The following TMOD3 variants were observed in gnomAD, a reference collection of about 807,000 sequenced individuals.
TMOD3 encodes tropomodulin-3.
Under a neutral mutation model 39.2 loss-of-function variants are expected in TMOD3, and 20 were observed. The ratio of observed to expected loss-of-function variants is 0.51; its 90% CI spans 0.36 to 0.74. The LOEUF (loss-of-function observed/expected upper bound fraction) is 0.74, where lower values mean the gene tolerates loss of function less well. Ranked by LOEUF, TMOD3 falls within the 30% of genes least tolerant of loss-of-function variation. TMOD3 has a pLI of 0.00. For missense variants in TMOD3, 381 were observed against 412.8 expected, an observed-to-expected ratio of 0.92 and a Z score of 0.67; for synonymous variants, 143 against 145.8, an observed-to-expected ratio of 0.98 and a Z score of 0.14.
intron 9 of TMOD3, among the ~76,000 whole-genome samples, chr15:51,904,485 C>G (rs1247373205): frequency 1.3e-5 from 2 of 152,200 alleles, no homozygotes; most frequent in African/African-American, 4.8e-5. Context: ...TAGCCATAAA[C>G]TAAGCCAGAA....
At chr15:51,870,100 G>A (rs1462730443) in intron 3 of TMOD3, among the ~76,000 whole-genome samples, 1 of 151,968 alleles carries the variant, frequency 6.6e-6, no homozygotes, top group Non-Finnish European at 1.5e-5. Flanking sequence ...CAGCACGTCT[G>A]GCTAATTTTT....
At chr15:51,890,938 C>G (rs992106033) in intron 5 of TMOD3, among the ~76,000 whole-genome samples, 3 of 152,060 alleles carry the variant, frequency 2.0e-5, no homozygotes, top group East Asian at 1.9e-4. Context: ...AACCCTTCTA[C>G]TTTTTTTTCT....
Position 51,893,955 on chromosome 15 carries a change from C to A in TMOD3, c.627+10C>A. 1 of 1,575,992 alleles carries A rather than the reference C, an allele frequency of 6.3e-7. No individual in the cohort carries two copies. The highest frequency in any genetic ancestry group is 1.2e-5 in the South Asian group (1 of 85,040). On this transcript the variant is annotated intron_variant, in intron 6 of 9. Transcript: ENST00000308580. Reference sequence around the variant, plus strand: ...TTTGAATAATATAAAGGTAAGTGTGCTAATCAGAGTGGTTTTGTATTGCTT... The same window carrying A: ...TTTGAATAATATAAAGGTAAGTGTGATAATCAGAGTGGTTTTGTATTGCTT...
At chr15:51,895,216 CTTT>C (rs974778013) in intron 6 of TMOD3, among the ~76,000 whole-genome samples, 6 of 138,104 alleles carry the variant, frequency 4.3e-5, no homozygotes, top group Non-Finnish European at 3.2e-5. Context: ...TGATTACTAA[CTTT>C]TTTTTTTTTT....
At chr15:51,850,869 G>T (rs902119461) in intron 1 of TMOD3, among the ~76,000 whole-genome samples, 2 of 152,094 alleles carry the variant, frequency 1.3e-5, no homozygotes, top group Non-Finnish European at 2.9e-5. Flanking sequence ...CCTCAGCTGG[G>T]ATTATAGGCA....
chr15:51,901,562 TAA>T (rs2056650216), intron 8 of TMOD3: 1 of 225,204 alleles, frequency 4.4e-6, no homozygotes, highest in African/African-American at 2.4e-5. Context: ...TACTGAACTT[TAA>T]AAAGTTTAGT....
At chr15:51,898,963 C>G (rs569274992) in intron 7 of TMOD3, 1 of 152,278 alleles carries the variant, frequency 6.6e-6, no homozygotes, top group Non-Finnish European at 1.5e-5. Flanking sequence ...ATGTCTAACA[C>G]TGTACTGTAT....
At chr15:51,881,376 C>T (rs1392313195) in intron 3 of TMOD3, among the ~76,000 whole-genome samples, 1 of 151,986 alleles carries the variant, frequency 6.6e-6, no homozygotes, top group African/African-American at 2.4e-5. Flanking sequence ...AAATGTTTCT[C>T]CTATTCAGCA....
intron 1 of TMOD3, chr15:51,860,389 A>G: frequency 1.8e-6 from 1 of 544,696 alleles, no homozygotes; most frequent in East Asian, 5.0e-5. Context: ...GCTTTTTGAA[A>G]TTCTTGCTTT....
chr15:51,857,260 G>C (rs1271114442), intron 1 of TMOD3, among the ~76,000 whole-genome samples: 1 of 152,234 alleles, frequency 6.6e-6, no homozygotes, highest in East Asian at 1.9e-4. Flanking sequence ...AAATCTGGTA[G>C]AGTGGCTACT....
At chr15:51,877,472 G>T (rs974523326) in intron 3 of TMOD3, among the ~76,000 whole-genome samples, 1 of 152,112 alleles carries the variant, frequency 6.6e-6, no homozygotes, top group African/African-American at 2.4e-5. Context: ...GAGGTCAGCA[G>T]TTCGATACCA....
At position 51,909,605 on chromosome 15, in the gene TMOD3, C is replaced by T. The variant is rs974019328; in HGVS notation, c.*795C>T. On this transcript the variant is annotated 3_prime_UTR_variant, in exon 10 of 10. Transcript: ENST00000308580. ...TTTCACCACCTCCCTCCCCACCCCC[C>T]AAAAAAGGCGTACAGCCAACTCTTA... 1 of 152,208 alleles carries T rather than the reference C, an allele frequency of 6.6e-6. No homozygotes were observed. Among genetic ancestry groups the T allele is most frequent in the African/African-American group, 2.4e-5 (1 of 41,354 alleles). 9.4% of individuals were successfully genotyped at this position (152,208 alleles called of 1,614,324 possible).
In TMOD3 at chr15:51,900,244, G is replaced by T. The variant is rs1258019546; in HGVS notation, c.825G>T (p.Leu275=). 1.9e-6 allele frequency: 3 copies of T among 1,614,174 alleles called. No homozygotes were observed. Among genetic ancestry groups the T allele is most frequent in the Non-Finnish European group, 2.5e-6 (3 of 1,180,040 alleles). The part of the protein sequence containing the change: ...NFITGVGILA[L]IDALRDNETL... ...TCACGGGAGTTGGGATTCTGGCACTGATTGATGCGTTAAGAGATAATGAAA... is the reference window on the plus strand; with the variant it reads ...TCACGGGAGTTGGGATTCTGGCACTTATTGATGCGTTAAGAGATAATGAAA... Residue 275 remains leucine (L), a synonymous_variant, in exon 8 of 10, where the codon CTG becomes CTT. Coordinates refer to ENST00000308580, the MANE Select transcript of TMOD3 (RefSeq NM_014547.5).
intron 9 of TMOD3, among the ~76,000 whole-genome samples, chr15:51,903,650 A>C (rs2056663986): frequency 6.6e-6 from 1 of 152,164 alleles, no homozygotes; most frequent in Non-Finnish European, 1.5e-5. Flanking sequence ...TAGTTTGCAA[A>C]GTCATGCTAA....
At chr15:51,848,604 G>A (rs2056346916) in intron 1 of TMOD3, among the ~76,000 whole-genome samples, 1 of 152,190 alleles carries the variant, frequency 6.6e-6, no homozygotes, top group African/African-American at 2.4e-5. Context: ...GTAAATTGAA[G>A]CAGATACTTG....
intron 3 of TMOD3, among the ~76,000 whole-genome samples, chr15:51,887,248 GT>G (rs35778880): frequency 0.41 from 56,000 of 137,534 alleles, 11,491 homozygotes; most frequent in Non-Finnish European, 0.47. Context: ...ATTGGATTCT[GT>G]TTTTTTTTTT....
rs982723702 is a variant in TMOD3 at position 51,900,256 on chromosome 15, A to G, written c.837A>G (p.Leu279=). The part of the protein sequence containing the change: ...GVGILALIDA[L]RDNETLAELK... ...GGATTCTGGCACTGATTGATGCGTT[A>G]AGAGATAATGAAACCCTGGCAGAGC... The change falls in exon 8 of 10, where the codon TTA becomes TTG. Residue 279 remains leucine, a synonymous_variant. Coordinates refer to ENST00000308580, the MANE Select transcript of TMOD3 (RefSeq NM_014547.5). 6.2e-7 allele frequency: 1 copy of G among 1,614,200 alleles called. No individual in the cohort carries two copies. Among genetic ancestry groups the G allele is most frequent in the Non-Finnish European group, 8.5e-7 (1 of 1,180,040 alleles).
intron 1 of TMOD3, among the ~76,000 whole-genome samples, chr15:51,843,497 A>G (rs1466811385): frequency 6.6e-6 from 1 of 152,216 alleles, no homozygotes; most frequent in African/African-American, 2.4e-5. Flanking sequence ...AGGTGACTGT[A>G]GGCAAGATAC....
chr15:51,846,722 CTT>C, intron 1 of TMOD3, among the ~76,000 whole-genome samples: 1 of 152,288 alleles, frequency 6.6e-6, no homozygotes, highest in South Asian at 2.1e-4. Flanking sequence ...GTAGAAGTCT[CTT>C]TTTCAGTTAA....
Sources: gnomAD v4.1 joint callset for allele counts (sites outside exome capture counted in the v4.1 genomes callset) on GRCh38, gnomAD v4.1.1 for gene constraint, MANE v1.5 for transcripts, NCBI Gene and HGNC (gene_info 2026-07-23, HGNC 2026-07-21) for gene names.